The following SLC17A5 variants were observed in gnomAD, a reference collection of about 807,000 sequenced individuals.
SLC17A5 encodes sialin.
Under a neutral mutation model 59.4 loss-of-function variants are expected in SLC17A5, and 47 were observed. That is an observed-to-expected ratio of 0.79 (90% CI 0.63 to 1.01). The LOEUF (loss-of-function observed/expected upper bound fraction) is 1.01. SLC17A5 is among the 50% of genes least tolerant of loss of function. The probability of loss-of-function intolerance (pLI) is 0.00; values close to 1 mark genes in which losing one functional copy is unlikely to be tolerated. For synonymous variants in SLC17A5, 202 were observed against 210.7 expected (o/e 0.96, Z 0.36); for missense variants, 522 against 595.5 (o/e 0.88, Z 1.28).
chr6:73,629,029 C>T (rs755248660), intron 6 of SLC17A5, among the ~76,000 whole-genome samples: 4 of 152,146 alleles, frequency 2.6e-5, no homozygotes, highest in African/African-American at 4.8e-5. Flanking sequence ...TGATTTGCTT[C>T]GCAATGCTGC....
At chr6:73,620,276 T>A (rs1286367027) in intron 7 of SLC17A5, among the ~76,000 whole-genome samples, 2 of 152,142 alleles carry the variant, frequency 1.3e-5, no homozygotes, top group Non-Finnish European at 2.9e-5. Context: ...CAAATGATAA[T>A]TACCAAATTA....
chr6:73,616,300 A>C (rs553442166), intron 7 of SLC17A5, among the ~76,000 whole-genome samples: 364 of 152,244 alleles, frequency 2.4e-3, no homozygotes, highest in African/African-American at 7.7e-3. Context: ...TTAAATAAGC[A>C]TTAACCTCGT....
chr6:73,642,587 G>T (rs1185556157), intron 2 of SLC17A5, among the ~76,000 whole-genome samples: 1 of 152,160 alleles, frequency 6.6e-6, no homozygotes, highest in Non-Finnish European at 1.5e-5. Context: ...CAAAGAGCAA[G>T]AATTTAAATC....
intron 8 of SLC17A5, among the ~76,000 whole-genome samples, chr6:73,612,737 A>C (rs1767686293): frequency 6.6e-6 from 1 of 152,100 alleles, no homozygotes; most frequent in Non-Finnish European, 1.5e-5. Flanking sequence ...ATCATGCCTA[A>C]CTGATTAGAT....
At chr6:73,645,739 G>C (rs566190220) in intron 1 of SLC17A5, among the ~76,000 whole-genome samples, 1 of 144,502 alleles carries the variant, frequency 6.9e-6, no homozygotes, top group African/African-American at 2.6e-5. Flanking sequence ...AGCGAGAGGA[G>C]ATCGCGCCAC....
intron 6 of SLC17A5, among the ~76,000 whole-genome samples, chr6:73,633,237 C>T (rs1768848185): frequency 6.9e-6 from 1 of 145,822 alleles, no homozygotes; most frequent in African/African-American, 2.5e-5. Flanking sequence ...GATATGAGCT[C>T]TCCACCTGGT....
intron 1 of SLC17A5, among the ~76,000 whole-genome samples, chr6:73,646,903 T>C (rs1769602404): frequency 1.3e-5 from 2 of 152,182 alleles, no homozygotes. Context: ...CTTGAACTTT[T>C]GGCCTCAAGC....
chr6:73,596,098 G>A (rs748705153), intron 10 of SLC17A5, among the ~76,000 whole-genome samples: 1 of 151,808 alleles, frequency 6.6e-6, no homozygotes, highest in Admixed American at 6.6e-5. Flanking sequence ...GAGCCACCAC[G>A]CCTGGCCTGG....
At chr6:73,627,794 A>G (rs1768502337) in intron 6 of SLC17A5, among the ~76,000 whole-genome samples, 1 of 151,828 alleles carries the variant, frequency 6.6e-6, no homozygotes, top group South Asian at 2.1e-4. Context: ...ACACCCGGCT[A>G]ATTTTTGTAT....
chr6:73,646,222 T>A (rs1353637414), intron 1 of SLC17A5, among the ~76,000 whole-genome samples: 1 of 152,188 alleles, frequency 6.6e-6, no homozygotes. Context: ...TAACCTAGCA[T>A]CAAAGGAGAG....
At chr6:73,602,064 A>G (rs922949407) in intron 9 of SLC17A5, among the ~76,000 whole-genome samples, 3 of 151,896 alleles carry the variant, frequency 2.0e-5, no homozygotes, top group African/African-American at 7.3e-5. Context: ...AGAAGTAGAC[A>G]TGGGAGACTT....
chr6:73,609,893 G>C, intron 9 of SLC17A5, among the ~76,000 whole-genome samples: 1 of 152,212 alleles, frequency 6.6e-6, no homozygotes, highest in East Asian at 1.9e-4. Context: ...ATGGGAGATT[G>C]TGTTTAACGG....
At chr6:73,650,192 T>G (rs1322403275) in intron 1 of SLC17A5, among the ~76,000 whole-genome samples, 2 of 103,956 alleles carry the variant, frequency 1.9e-5, no homozygotes, top group African/African-American at 3.7e-5. Flanking sequence ...GAGACCTTTT[T>G]TCTACAAAAA....
chr6:73,639,060 A>G (rs1491002728), intron 3 of SLC17A5, among the ~76,000 whole-genome samples: 1 of 152,212 alleles, frequency 6.6e-6, no homozygotes, highest in African/African-American at 2.4e-5. Context: ...AATCAACCAG[A>G]AAAACAGTCC....
At chr6:73,639,030 GA>G (rs1000136780) in intron 3 of SLC17A5, among the ~76,000 whole-genome samples, 1 of 151,844 alleles carries the variant, frequency 6.6e-6, no homozygotes, top group East Asian at 1.9e-4. Flanking sequence ...TTGGGATACT[GA>G]AAAAAAATTC....
At chr6:73,620,746 G>C (rs1237549902) in intron 7 of SLC17A5, among the ~76,000 whole-genome samples, 1 of 151,430 alleles carries the variant, frequency 6.6e-6, no homozygotes, top group Non-Finnish European at 1.5e-5. Context: ...TCCTGGGACA[G>C]AGTCTTGTTC....
chr6:73,633,106 C>T (rs12213868), intron 6 of SLC17A5, among the ~76,000 whole-genome samples: 32,644 of 151,958 alleles, frequency 0.21, 3,697 homozygotes, highest in Non-Finnish European at 0.25. Flanking sequence ...TTGCCTCAGC[C>T]TCCTGAGGAG....
rs3045763 is a variant in SLC17A5, at chr6:73,605,630, A to AACACACACACACAC, written c.1259+4756_1259+4769dup. ...CTTTGAGCTAGAACTGCAAGGTTTAAACACACACACACACACACACACACA... is the reference window on the plus strand; with the variant it reads ...CTTTGAGCTAGAACTGCAAGGTTTAAACACACACACACACACACACACACACACACACACACACA... On this transcript the variant is annotated intron_variant, in intron 9 of 10. Coordinates refer to ENST00000355773, the MANE Select transcript of SLC17A5 (RefSeq NM_012434.5). 2.7e-3 allele frequency among the ~76,000 whole-genome samples: 388 copies of AACACACACACACAC among 145,946 alleles called. 3 individuals are homozygous for AACACACACACACAC. Among genetic ancestry groups the AACACACACACACAC allele is most frequent in the African/African-American group, 9.2e-3 (364 of 39,524 alleles).
intron 6 of SLC17A5, among the ~76,000 whole-genome samples, chr6:73,623,319 G>A (rs7744053): frequency 0.22 from 33,273 of 151,326 alleles, 3,846 homozygotes; most frequent in Non-Finnish European, 0.25. Flanking sequence ...GATTACAGGC[G>A]TGAGCCACTG....
Sources: allele counts gnomAD v4.1 joint callset (sites outside exome capture counted in the v4.1 genomes callset), GRCh38; gene constraint gnomAD v4.1.1; transcripts MANE v1.5; gene names NCBI Gene and HGNC (gene_info 2026-07-23, HGNC 2026-07-21).